The following ALCAM variants were observed in gnomAD, a reference collection of about 807,000 sequenced individuals.
ALCAM encodes the protein activated leukocyte cell adhesion molecule, also known as CD166 antigen.
In ALCAM, 30 loss-of-function variants were observed where a neutral mutation model predicts 70.9. The ratio of observed to expected loss-of-function variants is 0.42; its 90% confidence interval spans 0.32 to 0.57. The LOEUF is 0.57. Among genes scored for constraint, ALCAM ranks in the 20% least tolerant of loss-of-function variants. The pLI, the probability that ALCAM is intolerant of heterozygous loss-of-function variation, is 0.11. For missense variants in ALCAM, 591 were observed against 695.1 expected, an observed-to-expected ratio of 0.85 and a Z score of 1.68; for synonymous variants, 249 against 242.5, an observed-to-expected ratio of 1.03 and a Z score of -0.25.
chr3:105,561,053 C>G (rs1437349131), intron 14 of ALCAM, among the ~76,000 whole-genome samples: 2 of 152,062 alleles, frequency 1.3e-5, no homozygotes, highest in Non-Finnish European at 2.9e-5. Context: ...TTACTTGGCT[C>G]TTTTCAATTT....
intron 1 of ALCAM, among the ~76,000 whole-genome samples, chr3:105,473,972 C>T (rs1160921781): frequency 1.3e-5 from 2 of 151,344 alleles, no homozygotes; most frequent in Non-Finnish European, 3.0e-5. Flanking sequence ...TTGAGCCATG[C>T]TTTTAAGGGT....
At chr3:105,439,890 G>T (rs1020143575) in intron 1 of ALCAM, among the ~76,000 whole-genome samples, 2 of 152,156 alleles carry the variant, frequency 1.3e-5, no homozygotes, top group African/African-American at 4.8e-5. Context: ...TGTCATTGTT[G>T]TTACTGTTGT....
intron 1 of ALCAM, among the ~76,000 whole-genome samples, chr3:105,446,013 A>T (rs2152587625): frequency 6.6e-6 from 1 of 152,316 alleles, no homozygotes; most frequent in East Asian, 1.9e-4. Context: ...CCTGTACACC[A>T]AAGGAAACAC....
intron 12 of ALCAM, among the ~76,000 whole-genome samples, chr3:105,550,926 A>T (rs1384394984): frequency 2.6e-5 from 4 of 151,636 alleles, no homozygotes. Context: ...TTGTCATTTA[A>T]TGTGAAATTG....
chr3:105,571,767 A>G, intron 14 of ALCAM, 85 bp from the exon 15 acceptor site: 2 of 1,040,916 alleles, frequency 1.9e-6, no homozygotes, highest in South Asian at 1.9e-5. Context: ...CTTTTCAAAG[A>G]CACATTAATT....
rs181532691 is a variant in ALCAM, at chr3:105,386,497, G to A, written c.73+19016G>A. On this transcript the variant is annotated intron_variant, in intron 1 of 15. Coordinates refer to ENST00000306107, the MANE Select transcript of ALCAM (RefSeq NM_001627.4). ...ACATTACCCTAAATGTCTAGTGTGTGCAAATGTTTCTCTATACCCTACCTT... is the reference window on the plus strand; with the variant it reads ...ACATTACCCTAAATGTCTAGTGTGTACAAATGTTTCTCTATACCCTACCTT... Among the ~76,000 whole-genome samples, 9 of 151,574 alleles carry A rather than the reference G, an allele frequency of 5.9e-5. No individual in the cohort carries two copies. In the East Asian group the frequency reaches 1.6e-3, roughly 26 times the overall value.
At chr3:105,485,268 TTC>T in intron 1 of ALCAM, among the ~76,000 whole-genome samples, 1 of 152,156 alleles carries the variant, frequency 6.6e-6, no homozygotes, top group Non-Finnish European at 1.5e-5. Flanking sequence ...GCCCTTGTTT[TTC>T]TCTGAGTACA....
chr3:105,405,686 C>A (rs1326238329), intron 1 of ALCAM, among the ~76,000 whole-genome samples: 3 of 152,008 alleles, frequency 2.0e-5, no homozygotes, highest in African/African-American at 7.2e-5. Context: ...TTAAGAAAAC[C>A]AAAATTATAT....
intron 15 of ALCAM, among the ~76,000 whole-genome samples, chr3:105,573,985 C>A (rs548495348): frequency 7.2e-5 from 11 of 152,318 alleles, no homozygotes. Flanking sequence ...GATTGCTTCT[C>A]TATCTCACCT....
At chr3:105,461,838 T>C (rs2152597988) in intron 1 of ALCAM, among the ~76,000 whole-genome samples, 1 of 151,868 alleles carries the variant, frequency 6.6e-6, no homozygotes, top group Middle Eastern at 3.4e-3. Context: ...GAGCACCTAC[T>C]GTGTGCCAAA....
chr3:105,384,001 G>A (rs549256783), intron 1 of ALCAM, among the ~76,000 whole-genome samples: 27 of 151,648 alleles, frequency 1.8e-4, no homozygotes, highest in Admixed American at 2.6e-4. Flanking sequence ...GATCAGTCAC[G>A]CAGGCAGTAT....
chr3:105,527,232 G>A (rs765271514), intron 3 of ALCAM, among the ~76,000 whole-genome samples: 4 of 152,110 alleles, frequency 2.6e-5, no homozygotes, highest in Non-Finnish European at 5.9e-5. Flanking sequence ...GCCTTTAAAG[G>A]TGCCCAAAGA....
intron 14 of ALCAM, among the ~76,000 whole-genome samples, chr3:105,553,528 G>A (rs1031209692): frequency 4.6e-5 from 7 of 151,730 alleles, no homozygotes; most frequent in Admixed American, 6.6e-5. Flanking sequence ...TTTAAAAAAT[G>A]TAAGAAAGTT....
rs1936193522 is a variant in ALCAM, at chr3:105,405,256, A to C, written c.73+37775A>C. Among the ~76,000 whole-genome samples the C allele has an allele frequency of 3.5e-5, 5 of 142,998 alleles. No individual in the cohort carries two copies. In the Admixed American group the frequency reaches 3.8e-4, roughly 11 times the overall value. 93.8% of individuals were successfully genotyped at this position (142,998 alleles called of 152,430 possible). ...CATACTATTGCACTCCAGCCTGGAC[A>C]ACAAGAGCAAAACTTCGTCTCAAAA... On this transcript the variant is annotated intron_variant, in intron 1 of 15. Transcript: ENST00000306107.
chr3:105,436,025 AAG>A (rs969232070), intron 1 of ALCAM, among the ~76,000 whole-genome samples: 15 of 152,294 alleles, frequency 9.8e-5, no homozygotes, highest in African/African-American at 3.6e-4. Flanking sequence ...GCGGCAGGCA[AAG>A]AGAGAGCTTG....
chr3:105,568,735 C>T lies in ALCAM; in HGVS notation c.1665-3117C>T, dbSNP rs529369119. On this transcript the variant is annotated intron_variant, in intron 14 of 15. Coordinates refer to ENST00000306107, the MANE Select transcript of ALCAM (RefSeq NM_001627.4). ...CCATGCCTCCCAAGCTGAGAAGTGC[C>T]CTCAGAGGAAAAGCCATGTAAAATT... 1.3e-4 allele frequency among the ~76,000 whole-genome samples: 20 copies of T among 152,302 alleles called. No individual in the cohort carries two copies. In the East Asian group the frequency reaches 1.9e-3, roughly 15 times the overall value.
intron 14 of ALCAM, among the ~76,000 whole-genome samples, chr3:105,556,022 G>A (rs1940508730): frequency 6.6e-6 from 1 of 151,908 alleles, no homozygotes; most frequent in Admixed American, 6.6e-5. Flanking sequence ...TGTTTAACAG[G>A]TAGAAAAGCA....
intron 1 of ALCAM, among the ~76,000 whole-genome samples, chr3:105,441,038 C>G (rs1430538935): frequency 3.3e-5 from 5 of 152,088 alleles, no homozygotes; most frequent in Non-Finnish European, 4.4e-5. Flanking sequence ...GTTAGAACCT[C>G]CATCCAAGAA....
At chr3:105,452,854 G>A (rs1401688505) in intron 1 of ALCAM, among the ~76,000 whole-genome samples, 2 of 152,080 alleles carry the variant, frequency 1.3e-5, no homozygotes, top group African/African-American at 2.4e-5. Flanking sequence ...TATGTTTGTT[G>A]GCTGCATAAA....
Sources: allele counts gnomAD v4.1 joint callset (sites outside exome capture counted in the v4.1 genomes callset), GRCh38; gene constraint gnomAD v4.1.1; transcripts MANE v1.5; gene names NCBI Gene and HGNC (gene_info 2026-07-23, HGNC 2026-07-21).